The following DCHS2 variants were observed in gnomAD, a reference collection of about 807,000 sequenced individuals.
The protein encoded by DCHS2 is dachsous cadherin-related 2.
In DCHS2, 142 loss-of-function variants were observed where a neutral mutation model predicts 182.4. The ratio of observed to expected loss-of-function variants is 0.78; its 90% CI spans 0.68 to 0.89. DCHS2 has a LOEUF of 0.89. Ranked by LOEUF, DCHS2 falls within the 40% of genes least tolerant of loss-of-function variation. DCHS2 has a pLI of 0.00. For missense variants in DCHS2, 4,319 were observed against 4,198.6 expected, an observed-to-expected ratio of 1.03 and a Z score of -0.79; for synonymous variants, 1,740 against 1,663.3, an observed-to-expected ratio of 1.05 and a Z score of -1.12.
At chr4:154,322,523 A>ACTCTGATGGTAGTTTCTTTTGC in intron 7 of DCHS2, 35 bp from the exon 8 acceptor site, 1 of 1,565,992 alleles carries the variant, frequency 6.4e-7, no homozygotes, top group Non-Finnish European at 8.6e-7. Context: ...ATGAATGTTA[A>ACTCTGATGGTAGTTTCTTTTGC]TTGACAATGC....
chr4:154,438,769 T>A (rs927479300), intron 1 of DCHS2, among the ~76,000 whole-genome samples: 1 of 152,228 alleles, frequency 6.6e-6, no homozygotes, highest in African/African-American at 2.4e-5. Context: ...TGTAATCATT[T>A]TTAAATTTTT....
chr4:154,254,696 G>C (rs999292588), intron 16 of DCHS2, among the ~76,000 whole-genome samples: 3 of 152,120 alleles, frequency 2.0e-5, no homozygotes, highest in Non-Finnish European at 4.4e-5. Context: ...AATTAACCAC[G>C]CATGGTGGCA....
chr4:154,394,021 C>G (rs535051035), intron 1 of DCHS2, among the ~76,000 whole-genome samples: 1 of 152,224 alleles, frequency 6.6e-6, no homozygotes, highest in South Asian at 2.1e-4. Context: ...ACACAGTTGA[C>G]AAAAACTAAA....
intron 10 of DCHS2, among the ~76,000 whole-genome samples, chr4:154,310,990 G>C (rs1325577055): frequency 6.6e-6 from 1 of 152,064 alleles, no homozygotes; most frequent in African/African-American, 2.4e-5. Context: ...TGTCAGAGTT[G>C]CACAAAGGAG....
intron 1 of DCHS2, 110 bp downstream of exon 1, chr4:154,489,194 A>G (rs1260781863): frequency 3.2e-6 from 3 of 951,502 alleles, no homozygotes; most frequent in Non-Finnish European, 4.6e-6. Flanking sequence ...CCAGTCTTGT[A>G]TTTGAGAGCC....
chr4:154,328,324 G>A (rs901654277), intron 6 of DCHS2, 132 bp from the exon 7 acceptor site: 7 of 559,348 alleles, frequency 1.3e-5, no homozygotes, highest in African/African-American at 3.9e-5. Flanking sequence ...TAATTCAAAT[G>A]CATACCATGT....
At chr4:154,405,120 G>A (rs1732345019) in intron 1 of DCHS2, among the ~76,000 whole-genome samples, 1 of 152,164 alleles carries the variant, frequency 6.6e-6, no homozygotes, top group Middle Eastern at 3.4e-3. Context: ...CCTGGTGGCG[G>A]TCACCTGTAA....
intron 14 of DCHS2, 84 bp downstream of exon 14, chr4:154,269,816 T>C (rs1733485800): frequency 6.6e-6 from 10 of 1,525,110 alleles, no homozygotes; most frequent in Non-Finnish European, 8.8e-6. Context: ...TACTTAGCTC[T>C]AACAATTTCT....
intron 1 of DCHS2, among the ~76,000 whole-genome samples, chr4:154,398,181 T>C (rs764589906): frequency 6.6e-6 from 1 of 152,184 alleles, no homozygotes; most frequent in Non-Finnish European, 1.5e-5. Flanking sequence ...CTATGATCAA[T>C]GGATATTTGT....
intron 13 of DCHS2, among the ~76,000 whole-genome samples, chr4:154,289,157 C>CT (rs1172946155): frequency 6.6e-6 from 1 of 151,778 alleles, no homozygotes; most frequent in Non-Finnish European, 1.5e-5. Flanking sequence ...AAAAAATTGG[C>CT]TTTTTGAAAA....
In DCHS2 at chr4:154,489,739, G is replaced by T. The variant is rs1247861071; in HGVS notation, c.1617C>A (p.Phe539Leu). The T allele has an allele frequency of 6.4e-7, 1 of 1,551,692 alleles. No individual in the cohort carries two copies. Among genetic ancestry groups the T allele is most frequent in the Non-Finnish European group, 8.7e-7 (1 of 1,146,964 alleles). Residue 539 changes from phenylalanine (F) to leucine (L), a missense_variant, in exon 1 of 20, where the codon TTC (phenylalanine) becomes TTA (leucine). Transcript: ENST00000357232. Reference sequence around the variant, plus strand: ...CTGAGGCCTTGTAATGCTGTTGGCTGAAGAGAGGTGGTTGGTCATTGAGGT... The same window carrying T: ...CTGAGGCCTTGTAATGCTGTTGGCTTAAGAGAGGTGGTTGGTCATTGAGGT... ...VADLNDQPPL[F>L]SQQHYKASVS...
At chr4:154,437,626 T>G (rs926450613) in intron 1 of DCHS2, among the ~76,000 whole-genome samples, 2 of 152,208 alleles carry the variant, frequency 1.3e-5, no homozygotes, top group African/African-American at 4.8e-5. Flanking sequence ...CCCCTGACAT[T>G]TTTTCCATTC....
chr4:154,440,266 C>G (rs1383286598), intron 1 of DCHS2, among the ~76,000 whole-genome samples: 1 of 152,154 alleles, frequency 6.6e-6, no homozygotes, highest in East Asian at 1.9e-4. Flanking sequence ...TATAAAGAGG[C>G]TGATGTACTA....
intron 1 of DCHS2, among the ~76,000 whole-genome samples, chr4:154,471,500 A>C (rs763523217): frequency 2.0e-5 from 3 of 152,148 alleles, no homozygotes. Flanking sequence ...TGAGTTAGAA[A>C]TGGTTTATTG....
At chr4:154,404,900 T>G (rs1444814598) in intron 1 of DCHS2, among the ~76,000 whole-genome samples, 1 of 152,234 alleles carries the variant, frequency 6.6e-6, no homozygotes, top group African/African-American at 2.4e-5. Flanking sequence ...CTACATAATG[T>G]GTTTCCCCTA....
In DCHS2 at chr4:154,388,486, T is replaced by C. The variant is rs565399176; in HGVS notation, c.2053-11042A>G. Among the ~76,000 whole-genome samples, 3 of 146,724 alleles carry C rather than the reference T, an allele frequency of 2.0e-5. No individual in the cohort carries two copies. The South Asian group carries it at 6.5e-4, about 32-fold the overall frequency. On this transcript the variant is annotated intron_variant, in intron 1 of 19. Coordinates refer to ENST00000357232, the MANE Select transcript of DCHS2 (RefSeq NM_001358235.2). ...CATTTCTTTCCCAAATTTTCAAAAA[T>C]AGATGTAATTTTTTTTTTTTTTTTT...
Position 154,248,394 on chromosome 4 carries a change from A to AT in DCHS2, c.6942-5623dup, listed in dbSNP as rs576944616. Among the ~76,000 whole-genome samples the AT allele has an allele frequency of 5.2e-3, 796 of 152,330 alleles. 6 individuals carry two copies. The highest frequency in any genetic ancestry group is 0.01 in the Non-Finnish European group (681 of 68,028). On this transcript the variant is annotated intron_variant, in intron 16 of 19. Coordinates refer to ENST00000357232, the MANE Select transcript of DCHS2 (RefSeq NM_001358235.2). Reference sequence around the variant, plus strand: ...AAGTTATAAATTATTACATACTTGTATTTATAATATCAGAGAAAATCAGTT... The same window carrying AT: ...AAGTTATAAATTATTACATACTTGTATTTTATAATATCAGAGAAAATCAGTT...
At position 154,334,928 on chromosome 4, in the gene DCHS2, C is replaced by G. The variant is rs146484407; in HGVS notation, c.2653G>C (p.Val885Leu). Residue 885 changes from valine to leucine, a missense_variant, in exon 4 of 20, where the codon GTT becomes CTT. Coordinates refer to ENST00000357232, the MANE Select transcript of DCHS2 (RefSeq NM_001358235.2). ...EFERPKYTFLVYEDVPEDSPI... is the reference protein window; with the variant it reads ...EFERPKYTFLLYEDVPEDSPI... Reference sequence around the variant, plus strand: ...CTATCTTCAGGCACATCTTCATAAACTAAGAAAGTGTACTTAGGCCTTTCA... The same window carrying G: ...CTATCTTCAGGCACATCTTCATAAAGTAAGAAAGTGTACTTAGGCCTTTCA... The G allele has an allele frequency of 3.2e-5, 52 of 1,614,210 alleles. No individual in the cohort carries two copies. In the African/African-American group the frequency reaches 6.4e-4, roughly 20 times the overall value.
intron 14 of DCHS2, chr4:154,269,220 A>G (rs963185180): frequency 6.6e-6 from 1 of 152,210 alleles, no homozygotes; most frequent in African/African-American, 2.4e-5. Context: ...CCCGCTCTCA[A>G]TTCTTCCCAG....
Sources: allele counts gnomAD v4.1 joint callset (sites outside exome capture counted in the v4.1 genomes callset), GRCh38; gene constraint gnomAD v4.1.1; transcripts MANE v1.5; gene names NCBI Gene and HGNC (gene_info 2026-07-23, HGNC 2026-07-21).